Variants in COL9A3 observed in about 807,000 individuals in gnomAD.
COL9A3 encodes the protein collagen alpha-3(IX) chain.
Under a neutral mutation model 110.2 loss-of-function variants are expected in COL9A3, and 82 were observed. That is an observed-to-expected ratio of 0.74 (90% CI 0.62 to 0.89). The LOEUF is 0.89. COL9A3 is among the 40% of genes least tolerant of loss of function. COL9A3 has a pLI of 0.00. For missense variants in COL9A3, 1,066 were observed against 981.3 expected (o/e 1.09, Z -1.15); for synonymous variants, 494 against 403.8 (o/e 1.22, Z -2.68).
At chr20:62,822,201 A>G in intron 9 of COL9A3, 37 bp downstream of exon 9, 1 of 1,210,542 alleles carries the variant, frequency 8.3e-7, no homozygotes, top group Non-Finnish European at 1.2e-6. Flanking sequence ...AGTGCTGGGC[A>G]TGGACTAGGA....
chr20:62,818,829 C>T (rs1202704011), intron 3 of COL9A3, among the ~76,000 whole-genome samples: 1 of 152,178 alleles, frequency 6.6e-6, no homozygotes, highest in Non-Finnish European at 1.5e-5. Context: ...CCCTTCAGGT[C>T]CCCCAGGCCT....
rs117342457 is a variant in COL9A3, at chr20:62,830,495, G to A, written c.1216-22G>A. ...GACCCGACAGGGTATGGGCACTGAC[G>A]AGCCAGGACCTCCTTCCCCAGGGCC... On this transcript the variant is annotated intron_variant, in intron 23 of 31. Transcript: ENST00000649368. 4.0e-3 allele frequency: 6,346 copies of A among 1,605,632 alleles called. 20 individuals carry two copies. The highest frequency in any genetic ancestry group is 7.3e-3 in the Middle Eastern group (44 of 6,042).
intron 5 of COL9A3, 54 bp downstream of exon 5, chr20:62,820,036 C>A: frequency 6.4e-7 from 1 of 1,571,808 alleles, no homozygotes; most frequent in South Asian, 1.1e-5. Flanking sequence ...GGTCCCCTGG[C>A]CACCTCTGGC....
At chr20:62,825,593 G>T (rs1383853919) in intron 12 of COL9A3, 2 of 618,004 alleles carry the variant, frequency 3.2e-6, no homozygotes, top group Non-Finnish European at 5.9e-6. Flanking sequence ...AGGGCCTTGT[G>T]GGAACAGTGA....
chr20:62,824,861 G>A (rs545647398), intron 11 of COL9A3, 107 bp from the exon 12 acceptor site: 23 of 1,208,876 alleles, frequency 1.9e-5, no homozygotes, highest in East Asian at 7.5e-5. Context: ...GTGCGCTGCC[G>A]TGTGGCGGGC....
intron 11 of COL9A3, 114 bp from the exon 12 acceptor site, chr20:62,824,854 C>A: frequency 2.6e-6 from 3 of 1,144,234 alleles, no homozygotes; most frequent in South Asian, 1.3e-5. Context: ...CGGTCCTGTG[C>A]GCTGCCGTGT....
At chr20:62,836,394 G>A (rs2063636228) in intron 28 of COL9A3, 61 bp downstream of exon 28, 1 of 1,614,066 alleles carries the variant, frequency 6.2e-7, no homozygotes, top group Non-Finnish European at 8.5e-7. Flanking sequence ...TTTTCCGGAA[G>A]GAAGTTACTT....
intron 8 of COL9A3, 119 bp from the exon 9 acceptor site, chr20:62,821,990 GCA>G (rs1268053952): frequency 1.2e-6 from 1 of 807,664 alleles, no homozygotes. Context: ...GCAGACACCA[GCA>G]CAGTCCGTGG....
intron 17 of COL9A3, 112 bp from the exon 18 acceptor site, chr20:62,828,652 G>T: frequency 8.2e-7 from 1 of 1,219,588 alleles, no homozygotes; most frequent in East Asian, 2.4e-5. Context: ...CCAGGGTGTG[G>T]GGGCAGACAC....
At position 62,836,351 on chromosome 20, in the gene COL9A3, C is replaced by T. The variant is rs760278883; in HGVS notation, c.1548+18C>T. On this transcript the variant is annotated intron_variant, in intron 28 of 31. Transcript: ENST00000649368. ...GAGTTCCGGTACGTCGCTTTTCCGG[C>T]TTTTCCAGCTTTCACAGGGTTGAGA... 1 of 1,613,840 alleles carries T rather than the reference C, an allele frequency of 6.2e-7. No homozygotes were observed. Among genetic ancestry groups the T allele is most frequent in the Non-Finnish European group, 8.5e-7 (1 of 1,180,028 alleles).
intron 6 of COL9A3, 39 bp from the exon 7 acceptor site, chr20:62,821,468 T>A (rs1311259066): frequency 1.2e-6 from 2 of 1,612,710 alleles, no homozygotes; most frequent in East Asian, 2.2e-5. Context: ...CAGCCCTTCT[T>A]GTGCCTGGCA....
At chr20:62,820,005 G>C in intron 5 of COL9A3, 23 bp downstream of exon 5, 1 of 1,612,068 alleles carries the variant, frequency 6.2e-7, no homozygotes, top group Non-Finnish European at 8.5e-7. Flanking sequence ...GCCGAACCCA[G>C]TGGCTTGGGT....
intron 15 of COL9A3, 64 bp downstream of exon 15, chr20:62,826,884 C>T: frequency 6.4e-7 from 1 of 1,552,638 alleles, no homozygotes; most frequent in Non-Finnish European, 8.7e-7. Flanking sequence ...CCCTCTGCTC[C>T]TCTCAGACGC....
chr20:62,819,635 A>C (rs1991054227), intron 4 of COL9A3, among the ~76,000 whole-genome samples: 1 of 152,116 alleles, frequency 6.6e-6, no homozygotes, highest in African/African-American at 2.4e-5. Context: ...TTTTGTTCGG[A>C]GGAAGCCGGG....
At position 62,832,137 on chromosome 20, in the gene COL9A3, C is replaced by A. The variant is rs1378511187; in HGVS notation, c.1288-17C>A. On this transcript the variant is annotated splice_polypyrimidine_tract_variant and intron_variant, in intron 24 of 31. Transcript: ENST00000649368. ...TCCTGCCATTCCTCTAATCCAGAGC[C>A]TTCTCTCCACATCCAGGGTCCGGGA... 4 of 1,612,118 alleles carry A rather than the reference C, an allele frequency of 2.5e-6. No homozygotes were observed. Among genetic ancestry groups the A allele is most frequent in the Non-Finnish European group, 3.4e-6 (4 of 1,179,090 alleles).
intron 26 of COL9A3, 112 bp downstream of exon 26, chr20:62,833,176 C>T (rs995213095): frequency 1.0e-5 from 9 of 897,814 alleles, no homozygotes; most frequent in East Asian, 2.5e-5. Flanking sequence ...GGTGGAAGAT[C>T]GGCAGCTCTG....
intron 24 of COL9A3, 167 bp from the exon 25 acceptor site, chr20:62,831,978 GGCTGTGAAC>G (rs1187498812): frequency 1.4e-6 from 1 of 712,500 alleles, no homozygotes; most frequent in Non-Finnish European, 2.6e-6. Context: ...CGGGCCCAGA[GGCTGTGAAC>G]GTGAGCTTGG....
chr20:62,835,623 T>C (rs1204999565), intron 26 of COL9A3, among the ~76,000 whole-genome samples: 2 of 152,058 alleles, frequency 1.3e-5, no homozygotes, highest in Non-Finnish European at 2.9e-5. Context: ...AGCCCAGCAT[T>C]AGGCGTGTTA....
chr20:62,836,711 C>T (rs997275499), intron 29 of COL9A3, 179 bp downstream of exon 29: 44 of 706,710 alleles, frequency 6.2e-5, no homozygotes, highest in African/African-American at 5.4e-4. Flanking sequence ...CTGTCCTCTG[C>T]GCTAGAGGAT....
Sources: gnomAD v4.1 joint callset for allele counts (sites outside exome capture counted in the v4.1 genomes callset) on GRCh38, gnomAD v4.1.1 for gene constraint, MANE v1.5 for transcripts, NCBI Gene and HGNC (gene_info 2026-07-23, HGNC 2026-07-21) for gene names.